The following CNTN5 variants were observed in gnomAD, a reference collection of about 807,000 sequenced individuals.
CNTN5 encodes contactin-5.
A neutral mutation model predicts 129.1 loss-of-function variants in CNTN5; 77 were observed. The observed-to-expected ratio is 0.60, with a 90% CI of 0.50 to 0.72. The LOEUF (loss-of-function observed/expected upper bound fraction) is 0.72, where lower values mean the gene tolerates loss of function less well. CNTN5 is among the 30% of genes least tolerant of loss of function. CNTN5 has a pLI of 0.00. For missense variants in CNTN5, 1,478 were observed against 1,328.8 expected, an observed-to-expected ratio of 1.11 and a Z score of -1.75; for synonymous variants, 509 against 465.6, an observed-to-expected ratio of 1.09 and a Z score of -1.20.
chr11:99,331,842 A>G (rs1222035045), intron 2 of CNTN5, among the ~76,000 whole-genome samples: 1 of 152,138 alleles, frequency 6.6e-6, no homozygotes, highest in Non-Finnish European at 1.5e-5. Context: ...AATTGAATTA[A>G]CAAAAGGAAT....
intron 18 of CNTN5, among the ~76,000 whole-genome samples, chr11:100,289,415 T>C (rs1489615929): frequency 1.3e-5 from 2 of 150,858 alleles, no homozygotes; most frequent in African/African-American, 4.9e-5. Flanking sequence ...TCCACCATGA[T>C]CACGTGGGCT....
chr11:99,410,185 G>A (rs938622966), intron 2 of CNTN5, among the ~76,000 whole-genome samples: 2 of 152,264 alleles, frequency 1.3e-5, no homozygotes, highest in African/African-American at 2.4e-5. Flanking sequence ...AATACACTCC[G>A]TTTAGCTTGT....
At chr11:99,446,142 G>A (rs764545775) in intron 2 of CNTN5, among the ~76,000 whole-genome samples, 1 of 147,736 alleles carries the variant, frequency 6.8e-6, no homozygotes, top group Non-Finnish European at 1.5e-5. Flanking sequence ...TCATCCTCAT[G>A]TTCTTGATTA....
chr11:100,048,182 C>T (rs1013068762), intron 9 of CNTN5, among the ~76,000 whole-genome samples: 1 of 152,098 alleles, frequency 6.6e-6, no homozygotes, highest in African/African-American at 2.4e-5. Flanking sequence ...GGAGCTGGGA[C>T]ATCCGTCTTC....
At chr11:99,327,147 A>G (rs1385248625) in intron 2 of CNTN5, among the ~76,000 whole-genome samples, 1 of 152,200 alleles carries the variant, frequency 6.6e-6, no homozygotes, top group Non-Finnish European at 1.5e-5. Context: ...GTTAGAAACA[A>G]GTTGTTTATG....
intron 1 of CNTN5, among the ~76,000 whole-genome samples, chr11:99,207,778 C>T (rs2135657219): frequency 6.6e-6 from 1 of 152,230 alleles, no homozygotes; most frequent in Admixed American, 6.5e-5. Flanking sequence ...AAAAAGTAGT[C>T]TGCATTTCAA....
chr11:100,266,303 G>C (rs569396392), intron 17 of CNTN5, among the ~76,000 whole-genome samples: 1 of 152,078 alleles, frequency 6.6e-6, no homozygotes, highest in Non-Finnish European at 1.5e-5. Context: ...GTCACTATAA[G>C]GTCTTCCACT....
intron 1 of CNTN5, among the ~76,000 whole-genome samples, chr11:99,212,368 G>T (rs1390202321): frequency 2.0e-5 from 3 of 152,136 alleles, no homozygotes; most frequent in African/African-American, 7.2e-5. Flanking sequence ...CATGGGTTGT[G>T]GGGGAAGTTG....
chr11:99,148,472 G>T (rs2135481478), intron 1 of CNTN5, among the ~76,000 whole-genome samples: 1 of 152,228 alleles, frequency 6.6e-6, no homozygotes, highest in Middle Eastern at 3.4e-3. Flanking sequence ...GAAAAAGTAA[G>T]TGAGGTACAG....
At chr11:100,007,553 C>T (rs2137504903) in intron 9 of CNTN5, among the ~76,000 whole-genome samples, 1 of 152,190 alleles carries the variant, frequency 6.6e-6, no homozygotes, top group African/African-American at 2.4e-5. Flanking sequence ...ACCTTATAAA[C>T]CAGCCTCTGC....
intron 3 of CNTN5, among the ~76,000 whole-genome samples, chr11:99,625,195 A>T (rs886947985): frequency 6.6e-6 from 1 of 152,154 alleles, no homozygotes; most frequent in Non-Finnish European, 1.5e-5. Context: ...ACAGTGATCT[A>T]TTGTTTGTCC....
At chr11:99,525,916 A>G (rs1459737878) in intron 2 of CNTN5, among the ~76,000 whole-genome samples, 1 of 152,238 alleles carries the variant, frequency 6.6e-6, no homozygotes, top group Non-Finnish European at 1.5e-5. Context: ...ACAAACACTG[A>G]CATGAGATAA....
intron 18 of CNTN5, among the ~76,000 whole-genome samples, chr11:100,285,763 C>T (rs994340525): frequency 6.6e-5 from 10 of 152,172 alleles, no homozygotes; most frequent in African/African-American, 1.9e-4. Flanking sequence ...CCAAGATGGC[C>T]GAATAGGAAC....
Position 99,958,687 on chromosome 11 carries a change from T to G in CNTN5, c.877+1678T>G, listed in dbSNP as rs151161504. 1.3e-3 allele frequency among the ~76,000 whole-genome samples: 193 copies of G among 152,338 alleles called. 2 individuals are homozygous for G. The highest frequency in any genetic ancestry group is 4.3e-3 in the African/African-American group (179 of 41,580). On this transcript the variant is annotated intron_variant, in intron 8 of 24. Transcript: ENST00000524871. ...AAGAAATGCAGTTTTACAGTTTATC[T>G]AATTAAAAGCTTTGAATTAATTCTC...
chr11:99,241,327 T>TTTG (rs1861547711), intron 1 of CNTN5, among the ~76,000 whole-genome samples: 1 of 149,162 alleles, frequency 6.7e-6, no homozygotes, highest in African/African-American at 2.5e-5. Context: ...GGTTTTTTTT[T>TTTG]TTTTTTTTTT....
At chr11:99,828,821 T>C (rs192422478) in intron 4 of CNTN5, among the ~76,000 whole-genome samples, 2 of 152,202 alleles carry the variant, frequency 1.3e-5, no homozygotes, top group African/African-American at 2.4e-5. Flanking sequence ...GTCACAGATA[T>C]TAAATTTGAT....
At chr11:99,088,220 C>T (rs1244084806) in intron 1 of CNTN5, among the ~76,000 whole-genome samples, 1 of 152,148 alleles carries the variant, frequency 6.6e-6, no homozygotes, top group Non-Finnish European at 1.5e-5. Context: ...ACTCATCACT[C>T]ACTTTGCATG....
At chr11:99,823,086 C>T (rs76075932) in intron 4 of CNTN5, among the ~76,000 whole-genome samples, 5,102 of 152,224 alleles carry the variant, frequency 0.034, 128 homozygotes, top group South Asian at 0.096. Flanking sequence ...CACGTGTATC[C>T]GTACCTATTC....
chr11:99,597,412 C>T (rs977542040), intron 3 of CNTN5, among the ~76,000 whole-genome samples: 1 of 152,058 alleles, frequency 6.6e-6, no homozygotes, highest in African/African-American at 2.4e-5. Context: ...GAATTCTTCT[C>T]CTTCCTATTG....
Sources: allele counts gnomAD v4.1 joint callset (sites outside exome capture counted in the v4.1 genomes callset), GRCh38; gene constraint gnomAD v4.1.1; transcripts MANE v1.5; gene names NCBI Gene and HGNC (gene_info 2026-07-23, HGNC 2026-07-21).